Variants in GOLGA7 observed in about 807,000 individuals in gnomAD.
GOLGA7 encodes golgin subfamily A member 7.
A neutral mutation model predicts 21.1 loss-of-function variants in GOLGA7; 10 were observed. The observed-to-expected ratio is 0.47, with a 90% confidence interval of 0.29 to 0.80. The LOEUF (loss-of-function observed/expected upper bound fraction) is 0.80. Among genes scored for constraint, GOLGA7 ranks in the 30% least tolerant of loss-of-function variants. GOLGA7 has a pLI of 0.08. For missense variants in GOLGA7, 114 were observed against 166.8 expected (o/e 0.68, Z 1.74); for synonymous variants, 64 against 62.6 (o/e 1.02, Z -0.10).
intron 2 of GOLGA7, among the ~76,000 whole-genome samples, chr8:41,498,850 T>C (rs3780022): frequency 0.18 from 27,410 of 152,192 alleles, 2,998 homozygotes; most frequent in Middle Eastern, 0.31. Flanking sequence ...GTTAAATAAA[T>C]GACTGTAAAT....
At chr8:41,500,551 A>G (rs544634308) in intron 2 of GOLGA7, among the ~76,000 whole-genome samples, 24 of 152,310 alleles carry the variant, frequency 1.6e-4, no homozygotes, top group African/African-American at 5.8e-4. Context: ...GTGGGAAGCT[A>G]CTCAAAGGAT....
At chr8:41,504,110 T>G (rs1806216378) in intron 2 of GOLGA7, among the ~76,000 whole-genome samples, 1 of 71,032 alleles carries the variant, frequency 1.4e-5, no homozygotes, top group African/African-American at 5.2e-5. Context: ...CCCTAAAACT[T>G]AGAGTATAAT....
At chr8:41,502,446 A>G (rs572777137) in intron 2 of GOLGA7, 2 of 152,182 alleles carry the variant, frequency 1.3e-5, no homozygotes, top group Middle Eastern at 3.2e-3. Flanking sequence ...ACAATCATGC[A>G]TTTTTCCCTA....
Position 41,490,647 on chromosome 8 carries a change from T to G in GOLGA7, c.-208T>G. 1 of 533,448 alleles carries G rather than the reference T, an allele frequency of 1.9e-6. No homozygotes were observed. The allele number at this position is 533,448 out of a possible 1,614,324, so 33.0% of individuals were successfully genotyped here. On this transcript the variant is annotated 5_prime_UTR_variant, in exon 1 of 5. Transcript: ENST00000357743. ...GTGTTTCCCGGGCCGAACCGGGTTGTGGGGGGCGCGGGGCCTGGGCCAGGC... is the reference window on the plus strand; with the variant it reads ...GTGTTTCCCGGGCCGAACCGGGTTGGGGGGGGCGCGGGGCCTGGGCCAGGC...
intron 2 of GOLGA7, among the ~76,000 whole-genome samples, chr8:41,499,422 G>A (rs1049085493): frequency 2.6e-5 from 4 of 152,142 alleles, no homozygotes; most frequent in South Asian, 2.1e-4. Context: ...CAGAAGAATC[G>A]GATCACATGT....
At chr8:41,499,626 T>A (rs1242414946) in intron 2 of GOLGA7, among the ~76,000 whole-genome samples, 2 of 152,150 alleles carry the variant, frequency 1.3e-5, no homozygotes, top group Non-Finnish European at 2.9e-5. Context: ...CCTACGCCAG[T>A]GTGTTCCTCT....
intron 2 of GOLGA7, among the ~76,000 whole-genome samples, chr8:41,500,182 A>G (rs2150442682): frequency 6.6e-6 from 1 of 152,352 alleles, no homozygotes; most frequent in Non-Finnish European, 1.5e-5. Flanking sequence ...AGCTGATAAT[A>G]ACAAGGAAAC....
intron 1 of GOLGA7, among the ~76,000 whole-genome samples, chr8:41,496,172 A>G (rs1806008514): frequency 6.6e-6 from 1 of 152,136 alleles, no homozygotes; most frequent in Non-Finnish European, 1.5e-5. Context: ...GTGTGTGTAC[A>G]CTGAACCATC....
chr8:41,504,051 C>T (rs1461582290), intron 2 of GOLGA7, among the ~76,000 whole-genome samples: 4 of 142,128 alleles, frequency 2.8e-5, no homozygotes, highest in Non-Finnish European at 6.0e-5. Flanking sequence ...AGCGCACCAG[C>T]ATGGCACATG....
chr8:41,493,409 A>G (rs1805932869), intron 1 of GOLGA7, among the ~76,000 whole-genome samples: 1 of 152,244 alleles, frequency 6.6e-6, no homozygotes, highest in Non-Finnish European at 1.5e-5. Context: ...TTAAAAATAC[A>G]CACACATTTG....
intron 1 of GOLGA7, among the ~76,000 whole-genome samples, chr8:41,497,119 C>T (rs898344960): frequency 2.0e-5 from 3 of 151,390 alleles, no homozygotes; most frequent in Non-Finnish European, 4.4e-5. Context: ...CAGCTTACTG[C>T]ATTTTTATGT....
At chr8:41,498,624 C>T (rs1049872489) in intron 2 of GOLGA7, among the ~76,000 whole-genome samples, 2 of 152,216 alleles carry the variant, frequency 1.3e-5, no homozygotes, top group South Asian at 4.1e-4. Context: ...CTGTTTTAGT[C>T]AGAATTCTTT....
intron 2 of GOLGA7, among the ~76,000 whole-genome samples, chr8:41,500,981 A>G (rs1806136682): frequency 6.6e-6 from 1 of 152,242 alleles, no homozygotes. Context: ...GACTATTTAC[A>G]GAAGTCCATA....
rs927569475 is a variant in GOLGA7 at position 41,509,820 on chromosome 8, A to G, written c.*252A>G. The G allele has an allele frequency of 2.6e-5, 4 of 152,686 alleles. No individual in the cohort carries two copies. The highest frequency in any genetic ancestry group is 1.9e-4 in the East Asian group (1 of 5,202). 9.5% of individuals were successfully genotyped at this position (152,686 alleles called of 1,614,324 possible). On this transcript the variant is annotated 3_prime_UTR_variant, in exon 5 of 5. Transcript: ENST00000357743. ...TTTGATTAGTTTCTGAGAAAACACA[A>G]TGAAGCACTTCACTTTTTTTTATTC...
At chr8:41,505,486 T>C (rs1334898376) in intron 2 of GOLGA7, among the ~76,000 whole-genome samples, 1 of 152,244 alleles carries the variant, frequency 6.6e-6, no homozygotes, top group African/African-American at 2.4e-5. Context: ...CTTTAAGTTT[T>C]GTAAAAGGCA....
chr8:41,497,139 C>T (rs1489364736), intron 1 of GOLGA7, among the ~76,000 whole-genome samples: 1 of 151,354 alleles, frequency 6.6e-6, no homozygotes, highest in Non-Finnish European at 1.5e-5. Flanking sequence ...TTTACATTGC[C>T]TGTTCTGCTT....
intron 4 of GOLGA7, among the ~76,000 whole-genome samples, chr8:41,508,475 G>A (rs1397781619): frequency 1.3e-5 from 2 of 152,086 alleles, no homozygotes; most frequent in Admixed American, 6.6e-5. Context: ...TTGTCCATAC[G>A]CTTTCTCATG....
At chr8:41,500,556 A>G (rs1049490291) in intron 2 of GOLGA7, among the ~76,000 whole-genome samples, 17 of 152,184 alleles carry the variant, frequency 1.1e-4, no homozygotes, top group Admixed American at 6.5e-5. Flanking sequence ...AAGCTACTCA[A>G]AGGATTTAAT....
intron 4 of GOLGA7, among the ~76,000 whole-genome samples, chr8:41,508,754 C>G (rs1220208200): frequency 6.6e-6 from 1 of 152,258 alleles, no homozygotes; most frequent in East Asian, 1.9e-4. Flanking sequence ...TACCCTCTTT[C>G]ATGAATGCAG....
Sources: allele counts gnomAD v4.1 joint callset (sites outside exome capture counted in the v4.1 genomes callset), GRCh38; gene constraint gnomAD v4.1.1; transcripts MANE v1.5; gene names NCBI Gene and HGNC (gene_info 2026-07-23, HGNC 2026-07-21).